Variants in ELL2 observed in about 807,000 individuals in gnomAD.
The protein encoded by ELL2 is elongation factor for RNA polymerase II 2, also known as RNA polymerase II elongation factor ELL2.
ELL2 carries 21 observed loss-of-function variants against 72.8 expected under a neutral mutation model. The observed-to-expected ratio is 0.29, with a 90% CI of 0.20 to 0.42. The LOEUF (loss-of-function observed/expected upper bound fraction) is 0.42, where lower values mean the gene tolerates loss of function less well. ELL2 is among the 10% of genes least tolerant of loss of function. The pLI, the probability that ELL2 is intolerant of heterozygous loss-of-function variation, is 1.00. For synonymous variants in ELL2, 266 were observed against 283.2 expected (o/e 0.94, Z 0.61); for missense variants, 568 against 772.8 (o/e 0.73, Z 3.14).
At chr5:95,952,975 G>A (rs1466109290) in intron 1 of ELL2, among the ~76,000 whole-genome samples, 1 of 152,108 alleles carries the variant, frequency 6.6e-6, no homozygotes, top group Non-Finnish European at 1.5e-5. Flanking sequence ...AGGAAGAAGT[G>A]GTCAAGAGAA....
intron 4 of ELL2, among the ~76,000 whole-genome samples, chr5:95,910,463 T>TA (rs1402453809): frequency 6.6e-6 from 1 of 152,138 alleles, no homozygotes; most frequent in Non-Finnish European, 1.5e-5. Flanking sequence ...TTTTTTTTTT[T>TA]ATATCAGTGT....
chr5:95,946,215 C>A (rs895513232), intron 1 of ELL2, among the ~76,000 whole-genome samples: 3 of 152,110 alleles, frequency 2.0e-5, no homozygotes, highest in African/African-American at 7.2e-5. Flanking sequence ...TTTAGAAATA[C>A]CCTGGAAGTG....
At chr5:95,907,296 A>ACTTTTTTTTTTTTTT (rs1749403562) in intron 4 of ELL2, among the ~76,000 whole-genome samples, 1 of 116,522 alleles carries the variant, frequency 8.6e-6, no homozygotes, top group Non-Finnish European at 1.6e-5. Flanking sequence ...ATATATATAT[A>ACTTTTTTTTTTTTTT]TTTTTTTTTT....
At position 95,922,394 on chromosome 5, in the gene ELL2, G is replaced by GT. The variant is rs998324448; in HGVS notation, c.196-2850dup. ...CATTTTTAAAAGGTTGAATTGTACA[G>GT]TTTTTTTCCCCCTATTTTTCAAGAG... On this transcript the variant is annotated intron_variant, in intron 2 of 11. Transcript: ENST00000237853. 1.3e-4 allele frequency among the ~76,000 whole-genome samples: 20 copies of GT among 152,238 alleles called. 1 individual carries two copies. In the East Asian group the frequency reaches 2.3e-3, roughly 18 times the overall value.
Position 95,888,708 on chromosome 5 carries a change from G to T in ELL2, c.*163C>A. 2.1e-6 allele frequency: 1 copy of T among 487,754 alleles called. No individual in the cohort carries two copies. Among genetic ancestry groups the T allele is most frequent in the Admixed American group, 4.1e-5 (1 of 24,610 alleles). 30.2% of individuals were successfully genotyped at this position (487,754 alleles called of 1,614,324 possible). A position where few individuals can be genotyped will look rare whatever the true frequency, so the allele number is the denominator to read the frequency against. ...GGACCAGAAAGAGCAGCTTCGAAAT[G>T]CAGGGAAGCAAAGTAAAATGGAAAA... On this transcript the variant is annotated 3_prime_UTR_variant, in exon 12 of 12. Transcript: ENST00000237853.
chr5:95,930,901 T>C (rs1750574254), intron 2 of ELL2, among the ~76,000 whole-genome samples: 1 of 132,868 alleles, frequency 7.5e-6, no homozygotes, highest in South Asian at 2.4e-4. Context: ...TATGCACCAT[T>C]TTGTGCCATT....
Position 95,886,332 on chromosome 5 carries a change from A to G in ELL2, c.*2539T>C, listed in dbSNP as rs1017609791. On this transcript the variant is annotated 3_prime_UTR_variant, in exon 12 of 12. Coordinates refer to ENST00000237853, the MANE Select transcript of ELL2 (RefSeq NM_012081.6). ...GAGATTTATAATTTTCAAATTTACAACTAATAGACAGACACACTTTTGCAA... is the reference window on the plus strand; with the variant it reads ...GAGATTTATAATTTTCAAATTTACAGCTAATAGACAGACACACTTTTGCAA... The G allele has an allele frequency of 6.6e-6, 1 of 152,236 alleles. No individual in the cohort carries two copies. Among genetic ancestry groups the G allele is most frequent in the Non-Finnish European group, 1.5e-5 (1 of 68,034 alleles). 9.4% of individuals were successfully genotyped at this position (152,236 alleles called of 1,614,324 possible).
chr5:95,895,523 T>A (rs1460118306), intron 9 of ELL2, 105 bp downstream of exon 9: 1 of 1,062,816 alleles, frequency 9.4e-7, no homozygotes, highest in African/African-American at 1.6e-5. Flanking sequence ...TCCAGGACTC[T>A]ATTTCTGGAA....
chr5:95,945,502 C>T (rs758174783), intron 1 of ELL2, among the ~76,000 whole-genome samples: 1 of 152,198 alleles, frequency 6.6e-6, no homozygotes, highest in East Asian at 1.9e-4. Flanking sequence ...GTTCCACACA[C>T]ATCTGTTAAT....
At chr5:95,944,349 C>T (rs1399114534) in intron 1 of ELL2, among the ~76,000 whole-genome samples, 2 of 152,142 alleles carry the variant, frequency 1.3e-5, no homozygotes, top group African/African-American at 2.4e-5. Flanking sequence ...TACTGTTCTA[C>T]TACCATAAAA....
rs117071293 is a variant in ELL2 at position 95,896,235 on chromosome 5, C to T, written c.1526-544G>A. Among the ~76,000 whole-genome samples the T allele has an allele frequency of 4.6e-5, 7 of 151,728 alleles. No homozygotes were observed. The East Asian group carries it at 7.7e-4, about 17-fold the overall frequency. On this transcript the variant is annotated intron_variant, in intron 8 of 11. Transcript: ENST00000237853. ...TTTAAAATAAGGTATTATTGAATGTCGATTTATATTCCTATAATCTCTAGC... is the reference window on the plus strand; with the variant it reads ...TTTAAAATAAGGTATTATTGAATGTTGATTTATATTCCTATAATCTCTAGC...
intron 7 of ELL2, 158 bp downstream of exon 7, chr5:95,900,535 C>T (rs925358701): frequency 3.4e-5 from 17 of 497,874 alleles, no homozygotes; most frequent in Non-Finnish European, 4.5e-5. Flanking sequence ...GAAGCCAAGA[C>T]CTAAATTCTA....
At chr5:95,890,018 G>A (rs1207852632) in intron 10 of ELL2, among the ~76,000 whole-genome samples, 1 of 152,102 alleles carries the variant, frequency 6.6e-6, no homozygotes, top group Non-Finnish European at 1.5e-5. Context: ...CCATTTTATG[G>A]ATGGGGAATT....
Position 95,928,238 on chromosome 5 carries a change from G to T in ELL2, c.196-8693C>A, listed in dbSNP as rs541737830. On this transcript the variant is annotated intron_variant, in intron 2 of 11. Transcript: ENST00000237853. ...CAAAGTTGAACCAAGTGCCAAAGTG[G>T]TTTTGGAAGAGAAGTGAGACAGCCA... 2.6e-5 allele frequency among the ~76,000 whole-genome samples: 4 copies of T among 152,250 alleles called. 1 individual carries two copies. Among genetic ancestry groups the T allele is most frequent in the African/African-American group, 9.6e-5 (4 of 41,544 alleles).
In ELL2 at chr5:95,927,678, T is replaced by C. The variant is rs574456566; in HGVS notation, c.196-8133A>G. Among the ~76,000 whole-genome samples the C allele has an allele frequency of 2.1e-4, 11 of 51,260 alleles. 2 individuals carry two copies. The highest frequency in any genetic ancestry group is 7.8e-4 in the African/African-American group (5 of 6,428). The allele number at this position is 51,260 out of a possible 152,430, so 33.6% of individuals were successfully genotyped here. On this transcript the variant is annotated intron_variant, in intron 2 of 11. Coordinates refer to ENST00000237853, the MANE Select transcript of ELL2 (RefSeq NM_012081.6). Reference sequence around the variant, plus strand: ...ACACACACACGTGTGTATATAGACATACACACACACGTGTGTATATAGACA... The same window carrying C: ...ACACACACACGTGTGTATATAGACACACACACACACGTGTGTATATAGACA...
At position 95,915,650 on chromosome 5, in the gene ELL2, C is replaced by T. The variant is rs561652998; in HGVS notation, c.318-1716G>A. On this transcript the variant is annotated intron_variant, in intron 3 of 11. Coordinates refer to ENST00000237853, the MANE Select transcript of ELL2 (RefSeq NM_012081.6). ...GTGACAAATTCCAGGGAGCAGAGGA[C>T]TCCCAGAAAGGTAATCTCACCTGGA... 3.9e-5 allele frequency among the ~76,000 whole-genome samples: 6 copies of T among 152,260 alleles called. No individual in the cohort carries two copies. The South Asian group carries it at 1.2e-3, about 32-fold the overall frequency.
intron 3 of ELL2, 48 bp from the exon 4 acceptor site, chr5:95,913,982 C>A: frequency 6.8e-7 from 1 of 1,475,910 alleles, no homozygotes; most frequent in South Asian, 1.4e-5. Flanking sequence ...TCATTTTGTA[C>A]AATAAAGGCA....
In ELL2 at chr5:95,943,012, C is replaced by A; in HGVS notation, c.185G>T (p.Gly62Val). The A allele has an allele frequency of 6.3e-7, 1 of 1,596,944 alleles. No individual in the cohort carries two copies. The highest frequency in any genetic ancestry group is 1.1e-5 in the South Asian group (1 of 88,254). Residue 62 changes from glycine to valine, a missense_variant, in exon 2 of 12, where the codon GGA becomes GTA. By Grantham distance (109) the Gly-to-Val change is moderately radical (BLOSUM62 -3). Coordinates refer to ENST00000237853, the MANE Select transcript of ELL2 (RefSeq NM_012081.6). ...IPFRPSIQFQGLHGLVKIPKN... is the reference protein window; with the variant it reads ...IPFRPSIQFQVLHGLVKIPKN... Reference sequence around the variant, plus strand: ...AATAAGAGTACTCACCCCGTGGAGTCCTTGGAACTGGATTGAAGGTCGAAA... The same window carrying A: ...AATAAGAGTACTCACCCCGTGGAGTACTTGGAACTGGATTGAAGGTCGAAA...
chr5:95,936,541 G>A (rs903484098), intron 2 of ELL2, among the ~76,000 whole-genome samples: 2 of 152,142 alleles, frequency 1.3e-5, no homozygotes, highest in African/African-American at 4.8e-5. Flanking sequence ...CCAGCACTTT[G>A]AGAGGCTGAG....
Sources: allele counts gnomAD v4.1 joint callset (sites outside exome capture counted in the v4.1 genomes callset), GRCh38; gene constraint gnomAD v4.1.1; transcripts MANE v1.5; gene names NCBI Gene and HGNC (gene_info 2026-07-23, HGNC 2026-07-21).